The following SOX6 variants were observed in gnomAD, a reference collection of about 807,000 sequenced individuals.
The protein encoded by SOX6 is SRY-box transcription factor 6.
SOX6 carries 11 observed loss-of-function variants against 97.8 expected under a neutral mutation model. The observed-to-expected ratio is 0.11, with a 90% CI of 0.07 to 0.19. The LOEUF (loss-of-function observed/expected upper bound fraction) is 0.19, where lower values mean the gene tolerates loss of function less well. Ranked by LOEUF, SOX6 falls within the 10% of genes least tolerant of loss-of-function variation. SOX6 has a pLI of 1.00. For synonymous variants in SOX6, 360 were observed against 371.4 expected, an observed-to-expected ratio of 0.97 and a Z score of 0.35; for missense variants, 810 against 1,039.5, an observed-to-expected ratio of 0.78 and a Z score of 3.04.
At chr11:16,668,766 G>A (rs554335694) in intron 3 of SOX6, among the ~76,000 whole-genome samples, 8 of 152,222 alleles carry the variant, frequency 5.3e-5, no homozygotes, top group South Asian at 4.1e-4. Context: ...ACACTTAGAC[G>A]AAATAGATTT....
intron 9 of SOX6, among the ~76,000 whole-genome samples, chr11:16,084,953 C>T (rs1215010429): frequency 2.0e-5 from 3 of 152,118 alleles, no homozygotes; most frequent in African/African-American, 4.8e-5. Context: ...TTTATCAACA[C>T]CATTGATAAA....
chr11:16,483,764 G>T (rs909639412), intron 4 of SOX6, among the ~76,000 whole-genome samples: 1 of 152,226 alleles, frequency 6.6e-6, no homozygotes, highest in Non-Finnish European at 1.5e-5. Context: ...GGTAATCCTT[G>T]TGGGAGGCAC....
intron 4 of SOX6, among the ~76,000 whole-genome samples, chr11:16,547,592 G>A (rs1429636017): frequency 6.6e-6 from 1 of 152,056 alleles, no homozygotes; most frequent in Non-Finnish European, 1.5e-5. Flanking sequence ...GCTAAAAGAG[G>A]TTAATCATGA....
At chr11:16,176,117 G>C (rs1026052246) in intron 6 of SOX6, among the ~76,000 whole-genome samples, 1 of 146,606 alleles carries the variant, frequency 6.8e-6, no homozygotes, top group Non-Finnish European at 1.5e-5. Flanking sequence ...GGATGAGACA[G>C]AGAGAGAGAG....
At position 16,623,399 on chromosome 11, in the gene SOX6, T is replaced by C. The variant is rs572979294; in HGVS notation, n.430-11139A>G. Among the ~76,000 whole-genome samples the C allele has an allele frequency of 3.5e-4, 51 of 147,410 alleles. No homozygotes were observed. The South Asian group carries it at 0.011, about 31-fold the overall frequency. ...TTGTCTATTCATGTCCTTAGGGCAC[T>C]TTTTTATGGGATTTTTTTTTCTTGC... On this transcript the variant is annotated intron_variant and non_coding_transcript_variant, in intron 3 of 5. Coordinates refer to the SOX6 transcript ENST00000524520.
intron 3 of SOX6, among the ~76,000 whole-genome samples, chr11:16,695,203 T>G (rs151064879): frequency 1.3e-5 from 2 of 152,204 alleles, no homozygotes; most frequent in African/African-American, 4.8e-5. Flanking sequence ...CTTTCATCAA[T>G]GGATATTATT....
chr11:16,419,684 A>G (rs1300711319), intron 1 of SOX6, among the ~76,000 whole-genome samples: 1 of 152,168 alleles, frequency 6.6e-6, no homozygotes, highest in East Asian at 1.9e-4. Flanking sequence ...CATATAGATA[A>G]TAATGATGAA....
intron 2 of SOX6, among the ~76,000 whole-genome samples, chr11:16,731,248 G>A (rs1403768991): frequency 2.0e-5 from 3 of 152,128 alleles, no homozygotes; most frequent in African/African-American, 7.2e-5. Context: ...CACTTTATGG[G>A]TTCAGCATTA....
chr11:16,670,388 C>G (rs1211703246), intron 3 of SOX6, among the ~76,000 whole-genome samples: 1 of 152,296 alleles, frequency 6.6e-6, no homozygotes, highest in South Asian at 2.1e-4. Context: ...CACCCCACCC[C>G]ACTGGCTGAA....
intron 4 of SOX6, among the ~76,000 whole-genome samples, chr11:16,590,572 A>G (rs1267748267): frequency 6.6e-6 from 1 of 152,170 alleles, no homozygotes; most frequent in Non-Finnish European, 1.5e-5. Flanking sequence ...ATAAATGGAT[A>G]AAGAAAATGT....
intron 1 of SOX6, among the ~76,000 whole-genome samples, chr11:16,446,107 C>T (rs949914220): frequency 6.6e-6 from 1 of 151,994 alleles, no homozygotes; most frequent in Admixed American, 6.6e-5. Flanking sequence ...GGTCCAGTAG[C>T]ACCTACCTTA....
upstream of SOX6, among the ~76,000 whole-genome samples, chr11:16,477,935 C>T: frequency 6.6e-6 from 1 of 152,132 alleles, no homozygotes; most frequent in East Asian, 1.9e-4. Context: ...GTATTATACC[C>T]TTTTCTTCCT....
chr11:16,599,028 A>T (rs1003853522), intron 4 of SOX6, among the ~76,000 whole-genome samples: 1 of 152,128 alleles, frequency 6.6e-6, no homozygotes, highest in Non-Finnish European at 1.5e-5. Context: ...TGCACTTTGA[A>T]TTTATCTTAT....
chr11:16,456,930 G>T (rs1451581261), intron 1 of SOX6, among the ~76,000 whole-genome samples: 1 of 152,020 alleles, frequency 6.6e-6, no homozygotes, highest in East Asian at 1.9e-4. Flanking sequence ...TGGGAATTTA[G>T]AGTATAATTA....
Position 16,341,269 on chromosome 11 carries a change from G to C in SOX6, c.-4-17C>G, listed in dbSNP as rs200674391. On this transcript the variant is annotated splice_polypyrimidine_tract_variant and intron_variant, in intron 1 of 15. Transcript: ENST00000683767. ...GACATTCTTCTGCAGAAAAAAAACAGAACGGATTAAAAATGGCTGTCAATA... is the reference window on the plus strand; with the variant it reads ...GACATTCTTCTGCAGAAAAAAAACACAACGGATTAAAAATGGCTGTCAATA... 7.4e-6 allele frequency: 12 copies of C among 1,611,650 alleles called. No homozygotes were observed. The highest frequency in any genetic ancestry group is 5.1e-6 in the Non-Finnish European group (6 of 1,178,712).
chr11:16,241,073 C>T (rs191635960), intron 3 of SOX6, among the ~76,000 whole-genome samples: 1 of 152,022 alleles, frequency 6.6e-6, no homozygotes, highest in African/African-American at 2.4e-5. Context: ...TGGTCAACTG[C>T]CAGTTCTCCT....
At chr11:16,632,679 C>T (rs562256746) in intron 3 of SOX6, among the ~76,000 whole-genome samples, 5 of 152,322 alleles carry the variant, frequency 3.3e-5, no homozygotes, top group Admixed American at 6.5e-5. Context: ...AGCACTCAGA[C>T]GTCTGCCTAA....
intron 1 of SOX6, among the ~76,000 whole-genome samples, chr11:16,426,306 T>C (rs1394355909): frequency 8.5e-6 from 1 of 117,542 alleles, no homozygotes; most frequent in Non-Finnish European, 1.8e-5. Context: ...ACCACTATTT[T>C]AAAATTCATA....
chr11:16,051,634 T>C (rs1847689081), intron 10 of SOX6, among the ~76,000 whole-genome samples: 1 of 152,186 alleles, frequency 6.6e-6, no homozygotes, highest in South Asian at 2.1e-4. Flanking sequence ...ATGTTTGAAC[T>C]AGTTTGTTCC....
Sources: gnomAD v4.1 joint callset for allele counts (sites outside exome capture counted in the v4.1 genomes callset) on GRCh38, gnomAD v4.1.1 for gene constraint, MANE v1.5 for transcripts, NCBI Gene and HGNC (gene_info 2026-07-23, HGNC 2026-07-21) for gene names.